CYP2C18: variants seen among roughly 807,000 people sequenced by gnomAD.
CYP2C18 encodes cytochrome P450 2C18.
CYP2C18 carries 38 observed loss-of-function variants against 41.3 expected under a neutral mutation model. That is an observed-to-expected ratio of 0.92 (90% CI 0.71 to 1.21). The LOEUF is 1.21. Among genes scored for constraint, CYP2C18 ranks in the 50% most tolerant of loss-of-function variants. The pLI, the probability that CYP2C18 is intolerant of heterozygous loss-of-function variation, is 0.00. For missense variants in CYP2C18, 635 were observed against 591.4 expected (o/e 1.07, Z -0.77); for synonymous variants, 236 against 210.0 (o/e 1.12, Z -1.07).
chr10:94,708,374 T>C (rs1456017727), intron 5 of CYP2C18, among the ~76,000 whole-genome samples: 1 of 152,166 alleles, frequency 6.6e-6, no homozygotes, highest in Non-Finnish European at 1.5e-5. Context: ...AAAATGACAC[T>C]ATATGAGTTC....
chr10:94,696,211 C>A (rs1011850236), intron 4 of CYP2C18, among the ~76,000 whole-genome samples: 2 of 152,156 alleles, frequency 1.3e-5, no homozygotes, highest in African/African-American at 4.8e-5. Flanking sequence ...CCCCCAGTAG[C>A]CTAACTGGGA....
intron 6 of CYP2C18, among the ~76,000 whole-genome samples, chr10:94,721,327 A>G (rs1248481511): frequency 2.0e-5 from 3 of 152,052 alleles, no homozygotes; most frequent in South Asian, 4.1e-4. Flanking sequence ...GTATGCTTCT[A>G]TAGATCTTCC....
chr10:94,692,555 A>G (rs1473411306), intron 3 of CYP2C18, among the ~76,000 whole-genome samples: 1 of 152,148 alleles, frequency 6.6e-6, no homozygotes, highest in Admixed American at 6.6e-5. Context: ...AAATAGGAAC[A>G]CTTTTACACT....
intron 6 of CYP2C18, 135 bp downstream of exon 6, chr10:94,720,672 A>G: frequency 1.2e-6 from 1 of 849,600 alleles, no homozygotes; most frequent in South Asian, 1.9e-5. Flanking sequence ...TAAGTTGTCT[A>G]AATATGATGA....
chr10:94,694,054 T>C (rs1847066892), intron 3 of CYP2C18, among the ~76,000 whole-genome samples: 1 of 152,188 alleles, frequency 6.6e-6, no homozygotes, highest in Non-Finnish European at 1.5e-5. Context: ...TTAAAAAGTT[T>C]ATAATAACAT....
At chr10:94,723,095 A>G (rs74549782) in intron 6 of CYP2C18, among the ~76,000 whole-genome samples, 7,272 of 152,284 alleles carry the variant, frequency 0.048, 235 homozygotes, top group South Asian at 0.12. Flanking sequence ...TCAGAATGGC[A>G]TTAGAATTCT....
At chr10:94,699,199 T>A (rs1847183531) in intron 4 of CYP2C18, among the ~76,000 whole-genome samples, 1 of 152,052 alleles carries the variant, frequency 6.6e-6, no homozygotes, top group Non-Finnish European at 1.5e-5. Flanking sequence ...TAGACCAATA[T>A]CCCTGATGAA....
In CYP2C18 at chr10:94,720,455, T is replaced by C; in HGVS notation, c.879T>C (p.Asp293=). Residue 293 remains aspartate, a synonymous_variant, in exon 6 of 9, where the codon GAT becomes GAC. Transcript: ENST00000285979. ...AAAGCTTGATAGCCACTGTAACTGA[T>C]ATGTTTGGGGCTGGAACAGAGACAA... ...TVESLIATVT[D]MFGAGTETTS... 1.2e-6 allele frequency: 2 copies of C among 1,613,100 alleles called. No individual in the cohort carries two copies. Among genetic ancestry groups the C allele is most frequent in the Non-Finnish European group, 1.7e-6 (2 of 1,179,308 alleles).
chr10:94,728,438 T>G (rs945900216), intron 7 of CYP2C18: 1 of 153,174 alleles, frequency 6.5e-6, no homozygotes, highest in African/African-American at 2.4e-5. Context: ...CTTTCCCAAA[T>G]AATTTACCCA....
chr10:94,706,068 A>G (rs1339878713), intron 4 of CYP2C18, among the ~76,000 whole-genome samples: 1 of 152,234 alleles, frequency 6.6e-6, no homozygotes, highest in Non-Finnish European at 1.5e-5. Flanking sequence ...AGATGCTACC[A>G]GGAAGTTCTG....
At chr10:94,724,653 T>C in intron 7 of CYP2C18, 120 bp downstream of exon 7, 1 of 958,366 alleles carries the variant, frequency 1.0e-6, no homozygotes, top group Admixed American at 2.1e-5. Flanking sequence ...GTGGGGCAGC[T>C]TTCTGGACTC....
intron 4 of CYP2C18, among the ~76,000 whole-genome samples, chr10:94,700,488 T>C (rs577688630): frequency 4.7e-4 from 72 of 152,218 alleles, no homozygotes; most frequent in African/African-American, 1.7e-3. Context: ...ATGGATTCAA[T>C]ACTTAAATGT....
intron 7 of CYP2C18, among the ~76,000 whole-genome samples, chr10:94,727,322 GC>G (rs560954589): frequency 2.0e-4 from 31 of 152,144 alleles, no homozygotes; most frequent in Admixed American, 1.2e-3. Context: ...TTAATGTTTT[GC>G]TAAAGAAAAG....
At chr10:94,684,887 A>G (rs1445065594) in intron 1 of CYP2C18, among the ~76,000 whole-genome samples, 1 of 152,076 alleles carries the variant, frequency 6.6e-6, no homozygotes, top group African/African-American at 2.4e-5. Flanking sequence ...TATCTTATCT[A>G]TGAGTTGTGA....
At chr10:94,706,524 T>A (rs961360320) in intron 4 of CYP2C18, among the ~76,000 whole-genome samples, 18 of 152,216 alleles carry the variant, frequency 1.2e-4, no homozygotes, top group Non-Finnish European at 1.8e-4. Flanking sequence ...AAAAATGAGA[T>A]AATTGACATG....
intron 5 of CYP2C18, among the ~76,000 whole-genome samples, chr10:94,717,136 G>T (rs1269634020): frequency 6.6e-6 from 1 of 151,964 alleles, no homozygotes; most frequent in Non-Finnish European, 1.5e-5. Flanking sequence ...TCTTTATCCA[G>T]TTTGCTAGTC....
chr10:94,732,226 C>G (rs868586460), intron 7 of CYP2C18, among the ~76,000 whole-genome samples: 2 of 152,052 alleles, frequency 1.3e-5, no homozygotes, highest in Non-Finnish European at 1.5e-5. Flanking sequence ...AAAAATGTTT[C>G]ACATCACTAA....
At position 94,735,569 on chromosome 10, in the gene CYP2C18, T is replaced by G; in HGVS notation, c.*125T>G. 2.1e-6 allele frequency: 2 copies of G among 933,584 alleles called. No homozygotes were observed. The highest frequency in any genetic ancestry group is 3.3e-6 in the Non-Finnish European group (2 of 604,312). 57.8% of individuals were successfully genotyped at this position (933,584 alleles called of 1,614,324 possible). On this transcript the variant is annotated 3_prime_UTR_variant, in exon 9 of 9. Transcript: ENST00000285979. Reference sequence around the variant, plus strand: ...TGACTTGTCAATCCACATCTTCCCATTCCCTCAAGATCCAATGAACATCCA... The same window carrying G: ...TGACTTGTCAATCCACATCTTCCCAGTCCCTCAAGATCCAATGAACATCCA...
chr10:94,714,652 G>A (rs1024231633), intron 5 of CYP2C18, among the ~76,000 whole-genome samples: 2 of 152,114 alleles, frequency 1.3e-5, no homozygotes, highest in Non-Finnish European at 2.9e-5. Context: ...GATTGACTTG[G>A]CAATGTGGGC....
Sources: allele counts gnomAD v4.1 joint callset (sites outside exome capture counted in the v4.1 genomes callset), GRCh38; gene constraint gnomAD v4.1.1; transcripts MANE v1.5; gene names NCBI Gene and HGNC (gene_info 2026-07-23, HGNC 2026-07-21).